PPARGC1B: variants seen among roughly 807,000 people sequenced by gnomAD.
The protein encoded by PPARGC1B is peroxisome proliferator-activated receptor gamma coactivator 1-beta.
Under a neutral mutation model 101.6 loss-of-function variants are expected in PPARGC1B, and 34 were observed. The observed-to-expected ratio is 0.33, with a 90% confidence interval of 0.25 to 0.45. PPARGC1B has a LOEUF of 0.45. Among genes scored for constraint, PPARGC1B ranks in the 20% least tolerant of loss-of-function variants. The probability of loss-of-function intolerance (pLI) is 1.00; values close to 1 mark genes in which losing one functional copy is unlikely to be tolerated. For synonymous variants in PPARGC1B, 548 were observed against 539.3 expected (o/e 1.02, Z -0.22); for missense variants, 1,234 against 1,317.6 (o/e 0.94, Z 0.98).
chr5:149,847,695 G>C lies in PPARGC1B; in HGVS notation c.*137G>C. On this transcript the variant is annotated 3_prime_UTR_variant, in exon 12 of 12. Transcript: ENST00000309241. ...ACACCCGTGAGAGAGACTTGAAACT[G>C]CTGTCCTTTAAAAAAAAAAAAAATC... 1.6e-6 allele frequency: 1 copy of C among 631,490 alleles called. No homozygotes were observed. The allele number at this position is 631,490 out of a possible 1,614,324, so 39.1% of individuals were successfully genotyped here. A position where few individuals can be genotyped will look rare whatever the true frequency, so the allele number is the denominator to read the frequency against.
intron 2 of PPARGC1B, among the ~76,000 whole-genome samples, chr5:149,822,030 G>A (rs1758322074): frequency 6.6e-6 from 1 of 152,190 alleles, no homozygotes; most frequent in South Asian, 2.1e-4. Flanking sequence ...TGCCAACCCT[G>A]TGAGGAATTA....
intron 1 of PPARGC1B, chr5:149,817,926 A>C: frequency 2.3e-6 from 1 of 426,772 alleles, no homozygotes; most frequent in East Asian, 7.1e-5. Flanking sequence ...CAAGTATTGC[A>C]GACTTACTAG....
chr5:149,750,579 G>T (rs1755261286), intron 1 of PPARGC1B, among the ~76,000 whole-genome samples: 2 of 151,306 alleles, frequency 1.3e-5, no homozygotes, highest in South Asian at 4.2e-4. Flanking sequence ...GTTCAGAATG[G>T]CCATTCTTGG....
rs570870876 is a variant in PPARGC1B at position 149,785,263 on chromosome 5, GA to G, written c.79-35169del. On this transcript the variant is annotated intron_variant, in intron 1 of 11. Coordinates refer to ENST00000309241, the MANE Select transcript of PPARGC1B (RefSeq NM_133263.4). Reference sequence around the variant, plus strand: ...AGGGCCCTTCTGGTTGTAAAGGTGGGATAGGAAAGAGGCTAGCAGCATGGCC... The same window carrying G: ...AGGGCCCTTCTGGTTGTAAAGGTGGGTAGGAAAGAGGCTAGCAGCATGGCC... 8.8e-4 allele frequency among the ~76,000 whole-genome samples: 133 copies of G among 151,986 alleles called. 2 individuals are homozygous for G. The highest frequency in any genetic ancestry group is 3.1e-3 in the African/African-American group (128 of 41,490).
At chr5:149,737,403 T>C (rs1754757919) in intron 1 of PPARGC1B, among the ~76,000 whole-genome samples, 1 of 152,218 alleles carries the variant, frequency 6.6e-6, no homozygotes, top group Non-Finnish European at 1.5e-5. Context: ...TGAATTTTCC[T>C]CCTGGAGGCT....
Position 149,836,843 on chromosome 5 carries a change from C to G in PPARGC1B, c.2388C>G (p.Ser796Arg). Residue 796 changes from serine to arginine, a missense_variant, in exon 8 of 12, where the codon AGC (serine) becomes AGG (arginine). Around this residue, in one of 3 missense-constraint regions of PPARGC1B, gnomAD observed 497 missense variants for 529.5 expected, o/e 0.94. Coordinates refer to ENST00000309241, the MANE Select transcript of PPARGC1B (RefSeq NM_133263.4). ...ATGACACTGTCTTTGAAGACAGCAG[C>G]AGCAGCAGCGGCGAGAGCAGCTTCC... ...PEYDTVFEDS[S>R]SSSGESSFLP... 1 of 1,613,210 alleles carries G rather than the reference C, an allele frequency of 6.2e-7. No individual in the cohort carries two copies. Among genetic ancestry groups the G allele is most frequent in the Non-Finnish European group, 8.5e-7 (1 of 1,180,020 alleles).
intron 1 of PPARGC1B, among the ~76,000 whole-genome samples, chr5:149,750,810 C>T (rs1036414771): frequency 5.9e-5 from 9 of 152,242 alleles, no homozygotes; most frequent in Admixed American, 5.9e-4. Context: ...ATTAGGTGAC[C>T]ATGGGACTGA....
intron 1 of PPARGC1B, among the ~76,000 whole-genome samples, chr5:149,813,813 C>A (rs560789998): frequency 2.0e-5 from 3 of 152,158 alleles, no homozygotes; most frequent in African/African-American, 7.2e-5. Context: ...AGCCTAAGAT[C>A]GAGGCACCGG....
At chr5:149,838,644 A>G (rs374449173) in intron 8 of PPARGC1B, among the ~76,000 whole-genome samples, 1 of 152,286 alleles carries the variant, frequency 6.6e-6, no homozygotes, top group East Asian at 1.9e-4. Flanking sequence ...CTGGGCCTGC[A>G]TTCATAGAAT....
intron 2 of PPARGC1B, among the ~76,000 whole-genome samples, chr5:149,823,829 C>T (rs1758399182): frequency 6.6e-6 from 1 of 152,126 alleles, no homozygotes; most frequent in Admixed American, 6.5e-5. Context: ...TTGATGGGTG[C>T]TTCTTGAGGT....
At chr5:149,767,198 T>C (rs1581029938) in intron 1 of PPARGC1B, among the ~76,000 whole-genome samples, 1 of 152,062 alleles carries the variant, frequency 6.6e-6, no homozygotes, top group Admixed American at 6.6e-5. Flanking sequence ...TGGGTTGGGG[T>C]GTTCGGTTCA....
rs111323156 is a variant in PPARGC1B at position 149,785,738 on chromosome 5, G to A, written c.79-34695G>A. On this transcript the variant is annotated intron_variant, in intron 1 of 11. Transcript: ENST00000309241. ...TGTGTCTGGAGCCTGCTGTAGGTTA[G>A]CGTTGTGACTGTCAGAGGCTGGTGG... Among the ~76,000 whole-genome samples, 39 of 152,248 alleles carry A rather than the reference G, an allele frequency of 2.6e-4. 1 individual carries two copies. The highest frequency in any genetic ancestry group is 8.9e-4 in the African/African-American group (37 of 41,548).
At chr5:149,734,510 G>T (rs949192687) in intron 1 of PPARGC1B, among the ~76,000 whole-genome samples, 1 of 151,666 alleles carries the variant, frequency 6.6e-6, no homozygotes, top group African/African-American at 2.4e-5. Context: ...AGATTGAACC[G>T]AGATGTATTT....
At chr5:149,806,937 A>G (rs554765303) in intron 1 of PPARGC1B, among the ~76,000 whole-genome samples, 1 of 150,574 alleles carries the variant, frequency 6.6e-6, no homozygotes, top group South Asian at 2.1e-4. Flanking sequence ...GGTAAAATGT[A>G]CCTAACATAA....
intron 1 of PPARGC1B, chr5:149,771,988 C>A: frequency 7.0e-7 from 1 of 1,432,552 alleles, no homozygotes; most frequent in Non-Finnish European, 9.2e-7. Context: ...TGCTGTTATC[C>A]CAGACTTACA....
chr5:149,768,782 C>G (rs1167193807), intron 1 of PPARGC1B, among the ~76,000 whole-genome samples: 1 of 152,088 alleles, frequency 6.6e-6, no homozygotes, highest in Non-Finnish European at 1.5e-5. Context: ...TCCCAAAGTG[C>G]TAGGATTACA....
In PPARGC1B at chr5:149,798,946, A is replaced by G. The variant is rs185206061; in HGVS notation, c.79-21487A>G. Among the ~76,000 whole-genome samples, 294 of 152,120 alleles carry G rather than the reference A, an allele frequency of 1.9e-3. 3 individuals carry two copies. The highest frequency in any genetic ancestry group is 2.7e-3 in the Non-Finnish European group (182 of 67,964). ...AAGCTCTCAGAGGTCCCTAGCCCCC[A>G]AGCAGGGGCTGGGTGCTGAGGAAGG... On this transcript the variant is annotated intron_variant, in intron 1 of 11. Coordinates refer to ENST00000309241, the MANE Select transcript of PPARGC1B (RefSeq NM_133263.4).
intron 1 of PPARGC1B, among the ~76,000 whole-genome samples, chr5:149,750,530 C>T (rs1175006810): frequency 6.9e-6 from 1 of 144,684 alleles, no homozygotes; most frequent in Non-Finnish European, 1.5e-5. Context: ...ACTCAGATAC[C>T]CCAGGGGTCT....
chr5:149,833,548 T>A lies in PPARGC1B; in HGVS notation c.1475T>A (p.Phe492Tyr), dbSNP rs764914072. The A allele has an allele frequency of 1.3e-6, 2 of 1,582,696 alleles. No homozygotes were observed. Among genetic ancestry groups the A allele is most frequent in the Admixed American group, 3.6e-5 (2 of 55,340 alleles). Residue 492 changes from phenylalanine to tyrosine, a missense_variant, in exon 5 of 12, where the codon TTT becomes TAT. Phe to Tyr is a conservative substitution (Grantham distance 22, BLOSUM62 3). Coordinates refer to ENST00000309241, the MANE Select transcript of PPARGC1B (RefSeq NM_133263.4). This position sits in a 1 kb window ranked among gnomAD's most constrained non-coding sequence, Gnocchi z 4.1. ...CCTGAGCTGGGCCCCTGGCTGACAT[T>A]TGCAGATGAGCCGCTGGTCCCCTCG... Reference protein sequence around the residue: ...LNPELGPWLTFADEPLVPSEP... With the variant: ...LNPELGPWLTYADEPLVPSEP...
Sources: gnomAD v4.1 joint callset for allele counts (sites outside exome capture counted in the v4.1 genomes callset) on GRCh38, gnomAD v4.1.1 for gene constraint, gnomAD v4.1.1 regional missense constraint, Gnocchi (gnomAD v3.1) non-coding constraint, MANE v1.5 for transcripts, NCBI Gene and HGNC (gene_info 2026-07-23, HGNC 2026-07-21) for gene names.